Variants in ZNF821 observed in about 807,000 individuals in gnomAD.
ZNF821 encodes the protein zinc finger protein 821.
ZNF821 carries 16 observed loss-of-function variants against 44.3 expected under a neutral mutation model. The observed-to-expected ratio is 0.36, with a 90% CI of 0.24 to 0.55. ZNF821 has a LOEUF of 0.55. Among genes scored for constraint, ZNF821 ranks in the 20% least tolerant of loss-of-function variants. The pLI is 0.86. For missense variants in ZNF821, 436 were observed against 547.6 expected, an observed-to-expected ratio of 0.80 and a Z score of 2.03; for synonymous variants, 204 against 197.6, an observed-to-expected ratio of 1.03 and a Z score of -0.27.
chr16:71,868,335 C>T (rs965710503), intron 3 of ZNF821, among the ~76,000 whole-genome samples: 1 of 152,154 alleles, frequency 6.6e-6, no homozygotes, highest in Admixed American at 6.5e-5. Context: ...CTCTCAAATC[C>T]ATTTACAACC....
upstream of ZNF821, among the ~76,000 whole-genome samples, chr16:71,888,845 C>A (rs371372174): frequency 6.6e-6 from 1 of 152,002 alleles, no homozygotes; most frequent in African/African-American, 2.4e-5. Flanking sequence ...TATATGAACC[C>A]AAATCACAGT....
At chr16:71,881,095 C>T (rs2036376925) in intron 2 of ZNF821, among the ~76,000 whole-genome samples, 2 of 152,254 alleles carry the variant, frequency 1.3e-5, no homozygotes, top group Admixed American at 1.3e-4. Flanking sequence ...GATCTGGTCA[C>T]ACTCTTAAGT....
At chr16:71,879,764 TC>T in intron 3 of ZNF821, 142 bp downstream of exon 3, 2 of 792,238 alleles carry the variant, frequency 2.5e-6, no homozygotes, top group Non-Finnish European at 4.0e-6. Context: ...TTTCTTTTTT[TC>T]TCTTCTGCTC....
chr16:71,865,602 T>A (rs1174135739), intron 4 of ZNF821, among the ~76,000 whole-genome samples: 1 of 152,208 alleles, frequency 6.6e-6, no homozygotes, highest in African/African-American at 2.4e-5. Context: ...TGAAATGATG[T>A]CACTTTATAG....
At chr16:71,880,172 G>T in intron 2 of ZNF821, 149 bp from the exon 3 acceptor site, 2 of 438,372 alleles carry the variant, frequency 4.6e-6, no homozygotes, top group Non-Finnish European at 8.0e-6. Flanking sequence ...AGAAAGAAAT[G>T]AATAAATCTC....
intron 3 of ZNF821, among the ~76,000 whole-genome samples, chr16:71,871,918 G>A (rs1364224896): frequency 6.0e-5 from 9 of 150,886 alleles, no homozygotes; most frequent in Admixed American, 4.0e-4. Flanking sequence ...TGCCACCTCC[G>A]CCTCCTGAGT....
chr16:71,894,982 C>T (rs2036932682), exon 1 of ZNF821: 1 of 692,358 alleles, frequency 1.4e-6, no homozygotes, highest in Non-Finnish European at 2.4e-6. Flanking sequence ...GTCCAAAGGG[C>T]AACCGGACGG....
exon 1 of ZNF821, chr16:71,895,029 G>C: frequency 3.9e-6 from 2 of 508,404 alleles, no homozygotes; most frequent in South Asian, 2.3e-5. Flanking sequence ...AGAGCCCGTA[G>C]AGGGACACGG....
chr16:71,894,526 G>GTT (rs2142506750), intron 1 of ZNF821: 1 of 258,904 alleles, frequency 3.9e-6, no homozygotes, highest in African/African-American at 2.3e-5. Flanking sequence ...GATTACAGGC[G>GTT]TGAGCCACCG....
chr16:71,883,551 C>G (rs1034198641), intron 1 of ZNF821: 2 of 186,964 alleles, frequency 1.1e-5, no homozygotes, highest in African/African-American at 2.4e-5. Context: ...TGATACCCCC[C>G]GGTCTGCACG....
chr16:71,880,304 A>T (rs541454530), intron 2 of ZNF821: 1 of 177,562 alleles, frequency 5.6e-6, no homozygotes, highest in East Asian at 1.5e-4. Context: ...TCAAGGTCAC[A>T]GGATAAAAGA....
upstream of ZNF821, among the ~76,000 whole-genome samples, chr16:71,887,105 T>A (rs1223883581): frequency 6.6e-6 from 1 of 152,232 alleles, no homozygotes; most frequent in African/African-American, 2.4e-5. Flanking sequence ...ATATTTGGCT[T>A]GGGCCTACTT....
At chr16:71,864,827 C>A in intron 5 of ZNF821, 76 bp downstream of exon 5, 2 of 1,578,816 alleles carry the variant, frequency 1.3e-6, no homozygotes, top group East Asian at 4.5e-5. Context: ...GACTGTGCCA[C>A]AGGGGTGAGC....
intron 3 of ZNF821, among the ~76,000 whole-genome samples, chr16:71,878,923 CAAAA>C (rs1168652069): frequency 3.2e-5 from 2 of 61,758 alleles, no homozygotes; most frequent in Non-Finnish European, 3.3e-5. Flanking sequence ...GACTCTGTCT[CAAAA>C]AAAAAAAAAA....
intron 2 of ZNF821, chr16:71,880,574 T>C (rs2036318977): frequency 6.6e-6 from 1 of 152,160 alleles, no homozygotes; most frequent in Non-Finnish European, 1.5e-5. Flanking sequence ...GCATGGGAAA[T>C]AAAGCCTCTA....
At chr16:71,880,870 G>T (rs1420226463) in intron 2 of ZNF821, among the ~76,000 whole-genome samples, 1 of 152,172 alleles carries the variant, frequency 6.6e-6, no homozygotes, top group African/African-American at 2.4e-5. Context: ...GAAAAATGCT[G>T]CCAAGACATG....
rs141805949 is a variant in ZNF821 at position 71,860,482 on chromosome 16, C to T, written c.775G>A (p.Ala259Thr). The T allele has an allele frequency of 6.2e-6, 10 of 1,614,202 alleles. No homozygotes were observed. The highest frequency in any genetic ancestry group is 1.3e-5 in the African/African-American group (1 of 75,056). Residue 259 changes from alanine to threonine, a missense_variant, in exon 8 of 8, where the codon GCT becomes ACT. Ala to Thr is a moderately conservative substitution (Grantham distance 58). Around this residue, in one of 5 missense-constraint regions of ZNF821, gnomAD observed 68 missense variants for 57.0 expected, o/e 1.19. Coordinates refer to ENST00000425432, the MANE Select transcript of ZNF821 (RefSeq NM_001201552.2). The surrounding 1 kb of genome is among the most constrained non-coding windows in gnomAD (Gnocchi z 7.3). Reference sequence around the variant, plus strand: ...AAAGGCTCATTCTGTCGACGTAGAGCCCACTTGCGTACACTGGGAGTCTGG... The same window carrying T: ...AAAGGCTCATTCTGTCGACGTAGAGTCCACTTGCGTACACTGGGAGTCTGG... Reference protein sequence around the residue: ...EAQTPSVRKWALRRQNEPLEV... With the variant: ...EAQTPSVRKWTLRRQNEPLEV...
intron 6 of ZNF821, among the ~76,000 whole-genome samples, chr16:71,862,995 G>A (rs2034085810): frequency 6.6e-6 from 1 of 152,138 alleles, no homozygotes; most frequent in Admixed American, 6.6e-5. Context: ...CCAGGTTCAA[G>A]CCATTCTCCT....
At chr16:71,894,697 ACT>A in intron 1 of ZNF821, 1 of 550,638 alleles carries the variant, frequency 1.8e-6, no homozygotes, top group Non-Finnish European at 3.1e-6. Context: ...CTAATTTTTA[ACT>A]TTTTTTTTTT....
Sources: gnomAD v4.1 joint callset for allele counts (sites outside exome capture counted in the v4.1 genomes callset) on GRCh38, gnomAD v4.1.1 for gene constraint, gnomAD v4.1.1 regional missense constraint, Gnocchi (gnomAD v3.1) non-coding constraint, MANE v1.5 for transcripts, NCBI Gene and HGNC (gene_info 2026-07-23, HGNC 2026-07-21) for gene names.